The following ZP3 variants were observed in gnomAD, a reference collection of about 807,000 sequenced individuals.
ZP3 encodes zona pellucida glycoprotein 3, also known as zona pellucida sperm-binding protein 3.
ZP3 carries 21 observed loss-of-function variants against 35.6 expected under a neutral mutation model. That is an observed-to-expected ratio of 0.59 (90% CI 0.42 to 0.85). The LOEUF is 0.85. ZP3 is among the 40% of genes least tolerant of loss of function. The pLI is 0.00. For missense variants in ZP3, 437 were observed against 536.5 expected, an observed-to-expected ratio of 0.81 and a Z score of 1.83; for synonymous variants, 207 against 214.5, an observed-to-expected ratio of 0.96 and a Z score of 0.31.
chr7:76,430,159 G>A (rs898987325), intron 2 of ZP3, among the ~76,000 whole-genome samples: 5 of 152,078 alleles, frequency 3.3e-5, no homozygotes, highest in East Asian at 1.9e-4. Flanking sequence ...GCAGTGAGCC[G>A]AGATTGCACT....
chr7:76,425,230 T>C lies in ZP3; in HGVS notation c.266T>C (p.Val89Ala). The C allele has an allele frequency of 6.2e-7, 1 of 1,613,500 alleles. No homozygotes were observed. The highest frequency in any genetic ancestry group is 8.5e-7 in the Non-Finnish European group (1 of 1,179,876). The change falls in exon 1 of 8, where the codon GTG becomes GCG. Residue 89 changes from valine (V) to alanine (A), a missense_variant. Physicochemically the swap from Val to Ala is moderately conservative, Grantham distance 64. Transcript: ENST00000394857. Reference protein sequence around the residue: ...EPLVSMDTEDVVRFEVGLHEC... With the variant: ...EPLVSMDTEDAVRFEVGLHEC... ...CTGGTCTCCATGGACACAGAAGATG[T>C]GGTCAGGTTTGAGGTTGGACTCCAC... is the stretch of plus-strand genomic sequence containing the variant.
intron 2 of ZP3, among the ~76,000 whole-genome samples, chr7:76,431,719 G>A (rs1320706131): frequency 1.3e-5 from 2 of 152,254 alleles, no homozygotes; most frequent in Non-Finnish European, 2.9e-5. Flanking sequence ...CTAACGTGGT[G>A]AAACCCCGTC....
intron 1 of ZP3, among the ~76,000 whole-genome samples, chr7:76,427,095 A>G (rs1016752508): frequency 5.3e-5 from 8 of 152,044 alleles, no homozygotes; most frequent in African/African-American, 1.7e-4. Context: ...CCTGATGTCC[A>G]GGCTGCTAAA....
chr7:76,436,139 C>T (rs1477237629), intron 5 of ZP3, among the ~76,000 whole-genome samples: 3 of 138,452 alleles, frequency 2.2e-5, no homozygotes, highest in Non-Finnish European at 3.1e-5. Flanking sequence ...GCAACTTCCA[C>T]CTCCCAGGCT....
At chr7:76,405,342 T>TCTTTCTTTC (rs1254961705) in intron 1 of ZP3, among the ~76,000 whole-genome samples, 19 of 85,878 alleles carry the variant, frequency 2.2e-4, no homozygotes, top group Non-Finnish European at 2.8e-4. Context: ...TTTCTTTCTT[T>TCTTTCTTTC]TTTTTTTTTT....
At chr7:76,410,100 T>C (rs1325522717) in intron 1 of ZP3, among the ~76,000 whole-genome samples, 2 of 152,134 alleles carry the variant, frequency 1.3e-5, no homozygotes, top group African/African-American at 4.8e-5. Context: ...TGGCACGATT[T>C]CGGCTCCCTG....
At chr7:76,412,343 G>A (rs1211424478) in intron 1 of ZP3, among the ~76,000 whole-genome samples, 1 of 152,104 alleles carries the variant, frequency 6.6e-6, no homozygotes, top group East Asian at 1.9e-4. Flanking sequence ...TCTTCAAAAT[G>A]ATGAAATTGC....
At chr7:76,398,727 A>G (rs1255427397) in intron 1 of ZP3, 2 of 1,613,096 alleles carry the variant, frequency 1.2e-6, no homozygotes, top group Admixed American at 3.3e-5. Flanking sequence ...TACTTTTTCC[A>G]TTCGGCAGTG....
At chr7:76,406,174 C>T (rs1378689203) in intron 1 of ZP3, among the ~76,000 whole-genome samples, 2 of 151,922 alleles carry the variant, frequency 1.3e-5, no homozygotes, top group African/African-American at 2.4e-5. Flanking sequence ...GATGGGTTTT[C>T]GCCATGTTGG....
At chr7:76,436,339 A>T (rs1436602546) in intron 5 of ZP3, among the ~76,000 whole-genome samples, 15 of 152,026 alleles carry the variant, frequency 9.9e-5, no homozygotes, top group Non-Finnish European at 1.9e-4. Context: ...GAGCCACTGT[A>T]CCCGGCCTGC....
chr7:76,406,631 G>A (rs1490031936), intron 1 of ZP3, among the ~76,000 whole-genome samples: 2 of 151,762 alleles, frequency 1.3e-5, no homozygotes, highest in East Asian at 1.9e-4. Context: ...CTGCAGGCTT[G>A]CACCACCACA....
intron 1 of ZP3, among the ~76,000 whole-genome samples, chr7:76,417,128 G>T (rs1805397995): frequency 6.6e-6 from 1 of 151,640 alleles, no homozygotes; most frequent in Non-Finnish European, 1.5e-5. Flanking sequence ...TGCGATCTCG[G>T]CTCACCCCAA....
chr7:76,406,031 G>A (rs138142908), intron 1 of ZP3, among the ~76,000 whole-genome samples: 1 of 150,674 alleles, frequency 6.6e-6, no homozygotes, highest in Non-Finnish European at 1.5e-5. Context: ...TGTCGTCCAG[G>A]CTGGAATGCA....
In ZP3 at chr7:76,440,564, A is replaced by T; in HGVS notation, c.1013A>T (p.His338Leu). The T allele has an allele frequency of 1.3e-6, 2 of 1,586,176 alleles. No homozygotes were observed. The highest frequency in any genetic ancestry group is 1.7e-6 in the Non-Finnish European group (2 of 1,169,210). Residue 338 changes from histidine to leucine, a missense_variant, in exon 7 of 8, where the codon CAT becomes CTT. His to Leu is a moderately conservative substitution (Grantham distance 99). This residue lies in a region of ZP3 where 41 missense variants were observed against 50.2 expected (regional missense o/e 0.82). Coordinates refer to ENST00000394857, the MANE Select transcript of ZP3 (RefSeq NM_001110354.2). ...CCAAGCCATTCCAGGAGGCAGCCTC[A>T]TGTCATGAGCCAGTGGTCCAGGTCT... ...GTPSHSRRQP[H>L]VMSQWSRSAS...
chr7:76,417,075 G>C (rs1805395109), intron 1 of ZP3, among the ~76,000 whole-genome samples: 1 of 151,168 alleles, frequency 6.6e-6, no homozygotes. Flanking sequence ...GTTTGTTTTT[G>C]AGATGGAGTT....
intron 1 of ZP3, chr7:76,397,983 G>A: frequency 2.5e-6 from 2 of 794,422 alleles, no homozygotes; most frequent in Non-Finnish European, 1.9e-6. Context: ...CCAGACTGGG[G>A]GTAGCTTGTG....
intron 1 of ZP3, among the ~76,000 whole-genome samples, chr7:76,398,993 G>A (rs532158339): frequency 1.3e-5 from 2 of 152,156 alleles, no homozygotes; most frequent in East Asian, 1.9e-4. Flanking sequence ...TCTAAAGCAC[G>A]GTTTTTGTTG....
At chr7:76,436,813 G>A (rs1204443725) in intron 5 of ZP3, among the ~76,000 whole-genome samples, 4 of 152,254 alleles carry the variant, frequency 2.6e-5, no homozygotes, top group African/African-American at 9.6e-5. Flanking sequence ...AGAAGATGGA[G>A]AGAAGTTTTC....
intron 1 of ZP3, among the ~76,000 whole-genome samples, chr7:76,417,336 G>A (rs1239239680): frequency 6.6e-6 from 1 of 152,082 alleles, no homozygotes; most frequent in Non-Finnish European, 1.5e-5. Flanking sequence ...TGGGATTACA[G>A]GCGTGAGCCA....
Sources: allele counts gnomAD v4.1 joint callset (sites outside exome capture counted in the v4.1 genomes callset), GRCh38; gene constraint gnomAD v4.1.1; regional missense constraint gnomAD v4.1.1; transcripts MANE v1.5; gene names NCBI Gene and HGNC (gene_info 2026-07-23, HGNC 2026-07-21).